PCDH7: variants seen among roughly 807,000 people sequenced by gnomAD.
PCDH7 encodes the protein protocadherin 7, also known as protocadherin-7.
PCDH7 carries 17 observed loss-of-function variants against 58.9 expected under a neutral mutation model. The ratio of observed to expected loss-of-function variants is 0.29; its 90% CI spans 0.20 to 0.43. The LOEUF (loss-of-function observed/expected upper bound fraction) is 0.43. PCDH7 is among the 20% of genes least tolerant of loss of function. The probability of loss-of-function intolerance (pLI) is 1.00; values close to 1 mark genes in which losing one functional copy is unlikely to be tolerated. For missense variants in PCDH7, 1,274 were observed against 1,441.0 expected, an observed-to-expected ratio of 0.88 and a Z score of 1.88; for synonymous variants, 664 against 616.4, an observed-to-expected ratio of 1.08 and a Z score of -1.14.
intron 3 of PCDH7, among the ~76,000 whole-genome samples, chr4:31,042,675 A>G (rs1209292117): frequency 1.3e-5 from 2 of 152,112 alleles, no homozygotes; most frequent in African/African-American, 4.8e-5. Flanking sequence ...AATAAATGTG[A>G]TGTATAGTAA....
chr4:30,783,505 C>T (rs1388998180), intron 1 of PCDH7, among the ~76,000 whole-genome samples: 1 of 152,164 alleles, frequency 6.6e-6, no homozygotes, highest in African/African-American at 2.4e-5. Flanking sequence ...TAATCTACAC[C>T]AATTACATAG....
intron 1 of PCDH7, among the ~76,000 whole-genome samples, chr4:30,914,004 C>G (rs73812675): frequency 6.6e-6 from 1 of 152,088 alleles, no homozygotes; most frequent in South Asian, 2.1e-4. Flanking sequence ...TGATCTCACC[C>G]ACATTTTAGG....
chr4:31,125,551 G>A (rs1001905850), intron 3 of PCDH7, among the ~76,000 whole-genome samples: 1 of 152,200 alleles, frequency 6.6e-6, no homozygotes, highest in African/African-American at 2.4e-5. Context: ...TAGTGTGCAA[G>A]TGATATGCAT....
chr4:30,850,609 C>CCA (rs1326878206), intron 1 of PCDH7, among the ~76,000 whole-genome samples: 1 of 151,918 alleles, frequency 6.6e-6, no homozygotes, highest in Non-Finnish European at 1.5e-5. Flanking sequence ...AGGTATGTGC[C>CCA]CATGCTTCAC....
At chr4:30,909,856 C>T (rs1212996436) in intron 1 of PCDH7, among the ~76,000 whole-genome samples, 1 of 152,092 alleles carries the variant, frequency 6.6e-6, no homozygotes, top group Non-Finnish European at 1.5e-5. Context: ...AAAAAAGAGC[C>T]CATATAGCCA....
At chr4:31,138,968 C>A (rs185500666) in intron 3 of PCDH7, among the ~76,000 whole-genome samples, 3 of 148,898 alleles carry the variant, frequency 2.0e-5, no homozygotes. Context: ...AGAGTGAGAT[C>A]CTGTCTCAAA....
rs114775125 is a variant in PCDH7, at chr4:30,888,738, G to T, written c.71-31415G>T. Reference sequence around the variant, plus strand: ...TGTTTCCCGGTAACTGGGAAGAGAAGAAATTGGACTGGAGAGTGGTTTGAC... The same window carrying T: ...TGTTTCCCGGTAACTGGGAAGAGAATAAATTGGACTGGAGAGTGGTTTGAC... On this transcript the variant is annotated intron_variant, in intron 1 of 3. Transcript: ENST00000509759. 3.6e-3 allele frequency among the ~76,000 whole-genome samples: 547 copies of T among 152,268 alleles called. 3 individuals are homozygous for T. The highest frequency in any genetic ancestry group is 0.017 in the Middle Eastern group (5 of 294).
rs559143422 is a variant in PCDH7, at chr4:30,988,888, A to G, written c.*7+38673A>G. 2.1e-4 allele frequency among the ~76,000 whole-genome samples: 32 copies of G among 152,328 alleles called. No homozygotes were observed. In the South Asian group the frequency reaches 6.6e-3, roughly 32 times the overall value. On this transcript the variant is annotated intron_variant, in intron 3 of 3. Coordinates refer to the PCDH7 transcript ENST00000509759. The stretch of plus-strand genomic sequence containing the variant: ...TACATTAATGCCTGATGATTCTTAT[A>G]GAACAATGAATGTGATTTTGAAGGC...
chr4:30,920,037 A>T (rs527543131), intron 1 of PCDH7, 116 bp from the exon 2 acceptor site: 1 of 622,378 alleles, frequency 1.6e-6, no homozygotes. Flanking sequence ...ATATCTATTC[A>T]TTTTGTATTG....
At chr4:30,724,522 G>C (rs1714332930) in exon 1 of PCDH7, 2 of 1,614,014 alleles carry the variant, frequency 1.2e-6, no homozygotes, top group Non-Finnish European at 1.7e-6. Context: ...TGTGGGAGCA[G>C]GAGACAACAT....
chr4:31,087,445 G>T (rs375967412), intron 3 of PCDH7, among the ~76,000 whole-genome samples: 3 of 152,034 alleles, frequency 2.0e-5, no homozygotes, highest in African/African-American at 7.2e-5. Flanking sequence ...GATATTCTCA[G>T]AAAAACCATG....
intron 3 of PCDH7, among the ~76,000 whole-genome samples, chr4:31,068,815 G>C (rs550121746): frequency 6.6e-6 from 1 of 152,036 alleles, no homozygotes; most frequent in South Asian, 2.1e-4. Flanking sequence ...TTGTTCCAGG[G>C]ATAGATTATA....
intron 1 of PCDH7, among the ~76,000 whole-genome samples, chr4:30,807,800 C>A (rs1201305236): frequency 6.6e-6 from 1 of 151,496 alleles, no homozygotes; most frequent in Non-Finnish European, 1.5e-5. Context: ...TTTCAAAATT[C>A]TCATTGATAG....
intron 1 of PCDH7, among the ~76,000 whole-genome samples, chr4:30,807,503 G>A (rs1266799680): frequency 6.6e-6 from 1 of 152,108 alleles, no homozygotes; most frequent in African/African-American, 2.4e-5. Flanking sequence ...AGGATATTGG[G>A]CTTTAAAGAA....
chr4:30,738,244 A>G (rs946774923), intron 1 of PCDH7, among the ~76,000 whole-genome samples: 1 of 152,182 alleles, frequency 6.6e-6, no homozygotes, highest in Non-Finnish European at 1.5e-5. Flanking sequence ...CTGAGCAAAA[A>G]CACATTGGAC....
At chr4:30,939,269 C>A (rs1745743575) in intron 2 of PCDH7, among the ~76,000 whole-genome samples, 1 of 152,086 alleles carries the variant, frequency 6.6e-6, no homozygotes, top group Admixed American at 6.6e-5. Context: ...TTTATAATAA[C>A]CATTTCAGTA....
intron 1 of PCDH7, among the ~76,000 whole-genome samples, chr4:30,863,255 T>G (rs1263296983): frequency 6.6e-6 from 1 of 152,120 alleles, no homozygotes; most frequent in Non-Finnish European, 1.5e-5. Flanking sequence ...ATTATGCAGT[T>G]AGCTATTCTT....
intron 2 of PCDH7, chr4:30,925,675 C>T (rs1743775848): frequency 1.3e-5 from 2 of 152,154 alleles, no homozygotes; most frequent in African/African-American, 4.8e-5. Context: ...CTCTATACCT[C>T]CCAAGTATCC....
At chr4:30,782,681 T>C (rs975315547) in intron 1 of PCDH7, among the ~76,000 whole-genome samples, 2 of 152,136 alleles carry the variant, frequency 1.3e-5, no homozygotes, top group Non-Finnish European at 2.9e-5. Context: ...ACATATGTTT[T>C]TATGCTTGGG....
Sources: allele counts gnomAD v4.1 joint callset (sites outside exome capture counted in the v4.1 genomes callset), GRCh38; gene constraint gnomAD v4.1.1; transcripts MANE v1.5; gene names NCBI Gene and HGNC (gene_info 2026-07-23, HGNC 2026-07-21).